The following FRMD6 variants were observed in gnomAD, a reference collection of about 807,000 sequenced individuals.
FRMD6 encodes the protein FERM domain containing 6.
Under a neutral mutation model 73.2 loss-of-function variants are expected in FRMD6, and 37 were observed. The ratio of observed to expected loss-of-function variants is 0.51; its 90% CI spans 0.39 to 0.66. FRMD6 has a LOEUF of 0.66. Among genes scored for constraint, FRMD6 ranks in the 30% least tolerant of loss-of-function variants. The pLI is 0.00. For missense variants in FRMD6, 714 were observed against 780.5 expected (o/e 0.91, Z 1.02); for synonymous variants, 273 against 282.2 (o/e 0.97, Z 0.33).
intron 10 of FRMD6, among the ~76,000 whole-genome samples, chr14:51,716,597 C>G (rs1284992666): frequency 6.6e-6 from 1 of 152,200 alleles, no homozygotes; most frequent in Non-Finnish European, 1.5e-5. Context: ...AATTCTCTGT[C>G]AATCCAAATG....
At chr14:51,619,284 A>T (rs1164031733) in intron 2 of FRMD6, among the ~76,000 whole-genome samples, 8 of 152,104 alleles carry the variant, frequency 5.3e-5, no homozygotes, top group African/African-American at 1.9e-4. Flanking sequence ...TGCCCAATGG[A>T]TACAGTATCA....
At chr14:51,607,822 C>A (rs1157701566) in intron 2 of FRMD6, among the ~76,000 whole-genome samples, 1 of 152,168 alleles carries the variant, frequency 6.6e-6, no homozygotes, top group Non-Finnish European at 1.5e-5. Flanking sequence ...CGGTTTCTGC[C>A]GAGTGCCACG....
chr14:51,453,534 C>T, the FRMD6 span, among the ~76,000 whole-genome samples: 1 of 152,202 alleles, frequency 6.6e-6, no homozygotes, highest in East Asian at 1.9e-4. Context: ...AGTGGATATA[C>T]AGTTTTTGGA....
At chr14:51,433,870 T>C in the FRMD6 span, among the ~76,000 whole-genome samples, 1 of 152,224 alleles carries the variant, frequency 6.6e-6, no homozygotes, top group African/African-American at 2.4e-5. Flanking sequence ...GTAAGAAAAG[T>C]AGCATTGGAA....
the FRMD6 span, among the ~76,000 whole-genome samples, chr14:51,415,891 C>A: frequency 2.2e-4 from 34 of 152,116 alleles, no homozygotes; most frequent in African/African-American, 7.7e-4. Flanking sequence ...GGAGAGTGTA[C>A]GTGTCTAGGA....
At chr14:51,727,696 A>G in intron 13 of FRMD6, 49 bp from the exon 14 acceptor site, 1 of 1,530,606 alleles carries the variant, frequency 6.5e-7, no homozygotes, top group Non-Finnish European at 8.9e-7. Flanking sequence ...CAAGGCAAAT[A>G]TTCTAACCTT....
intron 1 of FRMD6, among the ~76,000 whole-genome samples, chr14:51,672,323 G>GC (rs1422898497): frequency 6.6e-6 from 1 of 152,148 alleles, no homozygotes; most frequent in Admixed American, 6.5e-5. Flanking sequence ...TCTCTGGAGA[G>GC]TTTTTCTCCA....
At chr14:51,698,574 T>TA (rs1466654264) in intron 3 of FRMD6, among the ~76,000 whole-genome samples, 1 of 152,144 alleles carries the variant, frequency 6.6e-6, no homozygotes, top group Non-Finnish European at 1.5e-5. Flanking sequence ...CTGGAATACT[T>TA]AGGAAAGTAA....
chr14:51,536,242 T>C (rs1885884561), intron 1 of FRMD6, among the ~76,000 whole-genome samples: 1 of 150,990 alleles, frequency 6.6e-6, no homozygotes, highest in African/African-American at 2.4e-5. Context: ...TACATGCCCA[T>C]GCTACCATGC....
chr14:51,426,355 G>A, the FRMD6 span, among the ~76,000 whole-genome samples: 3 of 151,968 alleles, frequency 2.0e-5, no homozygotes, highest in African/African-American at 7.3e-5. Context: ...GCGTCTGTGT[G>A]TCCTTCCCAT....
At chr14:51,593,208 AG>A (rs1889499994) in intron 2 of FRMD6, among the ~76,000 whole-genome samples, 1 of 152,192 alleles carries the variant, frequency 6.6e-6, no homozygotes, top group African/African-American at 2.4e-5. Context: ...TGAGGAGAGT[AG>A]GCAAGGGACT....
chr14:51,500,441 C>T (rs566251287), intron 1 of FRMD6, among the ~76,000 whole-genome samples: 136 of 152,126 alleles, frequency 8.9e-4, no homozygotes, highest in African/African-American at 3.2e-3. Context: ...GCAGGACAAT[C>T]GCTTGAACCC....
the FRMD6 span, among the ~76,000 whole-genome samples, chr14:51,428,925 G>C: frequency 6.8e-6 from 1 of 147,030 alleles, no homozygotes; most frequent in Admixed American, 6.8e-5. Context: ...AGAGAGAGAG[G>C]GGGAGAGAGA....
chr14:51,573,694 C>T (rs1434695697), intron 2 of FRMD6, among the ~76,000 whole-genome samples: 1 of 152,066 alleles, frequency 6.6e-6, no homozygotes, highest in Non-Finnish European at 1.5e-5. Context: ...GAAGACAGTC[C>T]CCGTGTCTCA....
the FRMD6 span, among the ~76,000 whole-genome samples, chr14:51,405,418 C>A: frequency 1.3e-5 from 2 of 152,120 alleles, no homozygotes. Flanking sequence ...TCCCTTTTCT[C>A]CAGCATCTGT....
intron 2 of FRMD6, among the ~76,000 whole-genome samples, chr14:51,694,351 TAACA>T (rs1370666583): frequency 6.6e-6 from 1 of 152,158 alleles, no homozygotes; most frequent in Non-Finnish European, 1.5e-5. Flanking sequence ...TCCTGCACAA[TAACA>T]AACCATTAAC....
chr14:51,574,678 G>A (rs1336117230), intron 2 of FRMD6, among the ~76,000 whole-genome samples: 1 of 152,160 alleles, frequency 6.6e-6, no homozygotes, highest in African/African-American at 2.4e-5. Context: ...GGGAAGGGTA[G>A]TGGGTGGGGT....
chr14:51,687,798 CT>C (rs1895270849), intron 1 of FRMD6, among the ~76,000 whole-genome samples: 2 of 151,910 alleles, frequency 1.3e-5, no homozygotes, highest in African/African-American at 2.4e-5. Context: ...TGTTGAGGAC[CT>C]TTTTTTTCTA....
chr14:51,570,031 G>A (rs1285112198), intron 1 of FRMD6, among the ~76,000 whole-genome samples: 1 of 151,940 alleles, frequency 6.6e-6, no homozygotes, highest in Non-Finnish European at 1.5e-5. Context: ...TAGCCAGGAT[G>A]GTCTCGATCT....
Sources: allele counts gnomAD v4.1 joint callset (sites outside exome capture counted in the v4.1 genomes callset), GRCh38; gene constraint gnomAD v4.1.1; transcripts MANE v1.5; gene names NCBI Gene and HGNC (gene_info 2026-07-23, HGNC 2026-07-21).